Variants in INSYN1 observed in about 807,000 individuals in gnomAD.
INSYN1 encodes the protein UPF0583 protein C15orf59.
Under a neutral mutation model 17.1 loss-of-function variants are expected in INSYN1, and 7 were observed. The ratio of observed to expected loss-of-function variants is 0.41; its 90% CI spans 0.23 to 0.77. The LOEUF (loss-of-function observed/expected upper bound fraction) is 0.77, where lower values mean the gene tolerates loss of function less well. Ranked by LOEUF, INSYN1 falls within the 30% of genes least tolerant of loss-of-function variation. The probability of loss-of-function intolerance (pLI) is 0.32; values close to 1 mark genes in which losing one functional copy is unlikely to be tolerated. For synonymous variants in INSYN1, 174 were observed against 166.3 expected (o/e 1.05, Z -0.36); for missense variants, 339 against 400.6 (o/e 0.85, Z 1.31).
Position 73,739,895 on chromosome 15 carries a change from C to A in INSYN1, c.*22G>T, listed in dbSNP as rs1428403904. On this transcript the variant is annotated 3_prime_UTR_variant, in exon 3 of 3. Transcript: ENST00000569673. ...TATTTATAGCTCTATGTGCCCACCG[C>A]CCCCGGCCCCCTCCCCGGCCCCTAG... is the stretch of plus-strand genomic sequence containing the variant. 1 of 1,069,366 alleles carries A rather than the reference C, an allele frequency of 9.4e-7. No individual in the cohort carries two copies. Among genetic ancestry groups the A allele is most frequent in the East Asian group, 2.5e-5 (1 of 40,218 alleles). The allele number at this position is 1,069,366 out of a possible 1,614,324, so 66.2% of individuals were successfully genotyped here.
chr15:73,751,875 G>A (rs1332216417), intron 1 of INSYN1, among the ~76,000 whole-genome samples, 178 bp from the exon 2 acceptor site: 2 of 152,076 alleles, frequency 1.3e-5, no homozygotes, highest in African/African-American at 4.8e-5. Context: ...AGAGGGAAAG[G>A]GAGGGAGCCC....
At chr15:73,746,370 A>G (rs1901832291) in intron 2 of INSYN1, among the ~76,000 whole-genome samples, 1 of 152,074 alleles carries the variant, frequency 6.6e-6, no homozygotes, top group Non-Finnish European at 1.5e-5. Context: ...AATCCACGCA[A>G]TTCTTGCTGA....
At chr15:73,742,574 A>C (rs1378612323) in intron 2 of INSYN1, among the ~76,000 whole-genome samples, 1 of 152,118 alleles carries the variant, frequency 6.6e-6, no homozygotes, top group Non-Finnish European at 1.5e-5. Flanking sequence ...TGGAAAGCTG[A>C]GAATCTCCCC....
At position 73,738,863 on chromosome 15, in the gene INSYN1, TCC is replaced by T. The variant is rs1036468162; in HGVS notation, c.*1052_*1053del. 1.3e-5 allele frequency: 2 copies of T among 152,240 alleles called. No individual in the cohort carries two copies. The highest frequency in any genetic ancestry group is 2.9e-5 in the Non-Finnish European group (2 of 68,052). 9.4% of individuals were successfully genotyped at this position (152,240 alleles called of 1,614,324 possible). ...GTGAGCAATATAATTGTCATTATTA[TCC>T]CAAGGATATTCAGCTGCTGTCCCTG... On this transcript the variant is annotated 3_prime_UTR_variant, in exon 3 of 3. Transcript: ENST00000569673.
At chr15:73,744,082 G>C (rs1458922784) in intron 2 of INSYN1, among the ~76,000 whole-genome samples, 1 of 152,010 alleles carries the variant, frequency 6.6e-6, no homozygotes, top group African/African-American at 2.4e-5. Context: ...AGGATTTAAT[G>C]GCTTAATGCG....
Position 73,739,906 on chromosome 15 carries a change from CTCCCCGGCCCCT to C in INSYN1, c.881_*10del, listed in dbSNP as rs763968080. ...CTATGTGCCCACCGCCCCCGGCCCC[CTCCCCGGCCCCT>C]AGTTTTTCCCCCTGGCTTTCTGTCT... is the stretch of plus-strand genomic sequence containing the variant. On this transcript the variant is annotated stop_lost and 3_prime_UTR_variant, in exon 3 of 3. Coordinates refer to ENST00000569673, the MANE Select transcript of INSYN1 (RefSeq NM_001039614.3). 3.6e-6 allele frequency: 5 copies of C among 1,407,116 alleles called. No individual in the cohort carries two copies. The African/African-American group carries it at 5.7e-5, about 16-fold the overall frequency. The allele number at this position is 1,407,116 out of a possible 1,614,324, so 87.2% of individuals were successfully genotyped here. A position where few individuals can be genotyped will look rare whatever the true frequency, so the allele number is the denominator to read the frequency against.
intron 2 of INSYN1, 119 bp downstream of exon 2, chr15:73,750,856 T>G: frequency 1.8e-6 from 2 of 1,101,122 alleles, no homozygotes; most frequent in East Asian, 2.4e-5. Flanking sequence ...AGGTCCCCAG[T>G]AGAGTGACAC....
At chr15:73,740,855 G>A (rs942224777) in intron 2 of INSYN1, among the ~76,000 whole-genome samples, 7 of 152,174 alleles carry the variant, frequency 4.6e-5, no homozygotes, top group African/African-American at 1.4e-4. Flanking sequence ...AGCTTGTTCC[G>A]GCCCTTCCCA....
At chr15:73,750,333 G>C (rs1490721405) in intron 2 of INSYN1, among the ~76,000 whole-genome samples, 1 of 152,172 alleles carries the variant, frequency 6.6e-6, no homozygotes, top group Non-Finnish European at 1.5e-5. Context: ...AAAATATTTA[G>C]AACAGTGGGA....
rs967015083 is a variant in INSYN1 at position 73,739,235 on chromosome 15, C to G, written c.*682G>C. 2 of 152,316 alleles carry G rather than the reference C, an allele frequency of 1.3e-5. No individual in the cohort carries two copies. Among genetic ancestry groups the G allele is most frequent in the African/African-American group, 4.8e-5 (2 of 41,468 alleles). 9.4% of individuals were successfully genotyped at this position (152,316 alleles called of 1,614,324 possible). A position where few individuals can be genotyped will look rare whatever the true frequency, so the allele number is the denominator to read the frequency against. On this transcript the variant is annotated 3_prime_UTR_variant, in exon 3 of 3. Coordinates refer to ENST00000569673, the MANE Select transcript of INSYN1 (RefSeq NM_001039614.3). ...AAGGATTGGGGGTGGTCCAGACCCTCCAATCAAACCCCTGCCCAGCCCAGG... is the reference window on the plus strand; with the variant it reads ...AAGGATTGGGGGTGGTCCAGACCCTGCAATCAAACCCCTGCCCAGCCCAGG...
At position 73,736,025 on chromosome 15, in the gene INSYN1, G is replaced by A. The variant is rs954551043; in HGVS notation, c.*3892C>T. On this transcript the variant is annotated 3_prime_UTR_variant, in exon 3 of 3. Transcript: ENST00000569673. The stretch of plus-strand genomic sequence containing the variant: ...CAGCACAAGCCTGTGCACACAGTAG[G>A]TGGTCAGTGGAATAGGACTTCCCGG... The A allele has an allele frequency of 1.3e-5, 2 of 152,274 alleles. No homozygotes were observed. The highest frequency in any genetic ancestry group is 2.4e-5 in the African/African-American group (1 of 41,462). 9.4% of individuals were successfully genotyped at this position (152,274 alleles called of 1,614,324 possible). A position where few individuals can be genotyped will look rare whatever the true frequency, so the allele number is the denominator to read the frequency against.
intron 2 of INSYN1, among the ~76,000 whole-genome samples, chr15:73,744,134 C>T (rs920096976): frequency 1.3e-5 from 2 of 152,182 alleles, no homozygotes; most frequent in Non-Finnish European, 2.9e-5. Context: ...CCAACATCTA[C>T]AATGCACCGT....
Position 73,751,545 on chromosome 15 carries a change from T to G in INSYN1, c.-415A>C, listed in dbSNP as rs1041891023. ...TTGGGATGGGGGAAGGCAGCAGGGATCCCCTCACAACTCCTAGGCAGTTGC... is the reference window on the plus strand; with the variant it reads ...TTGGGATGGGGGAAGGCAGCAGGGAGCCCCTCACAACTCCTAGGCAGTTGC... On this transcript the variant is annotated 5_prime_UTR_variant, in exon 2 of 3. Transcript: ENST00000569673. 2.4e-5 allele frequency: 5 copies of G among 211,602 alleles called. No individual in the cohort carries two copies. Among genetic ancestry groups the G allele is most frequent in the African/African-American group, 8.9e-5 (4 of 44,848 alleles). 13.1% of individuals were successfully genotyped at this position (211,602 alleles called of 1,614,324 possible). A position where few individuals can be genotyped will look rare whatever the true frequency, so the allele number is the denominator to read the frequency against.
At position 73,736,909 on chromosome 15, in the gene INSYN1, C is replaced by CA; in HGVS notation, c.*3007dup. On this transcript the variant is annotated 3_prime_UTR_variant, in exon 3 of 3. Coordinates refer to ENST00000569673, the MANE Select transcript of INSYN1 (RefSeq NM_001039614.3). ...AGACTCCATCTAAAAAAAAACAAAA[C>CA]AAAACAAAAACAAGAAAAAGGAAGC... The CA allele has an allele frequency of 6.6e-6, 1 of 152,630 alleles. No individual in the cohort carries two copies. 9.5% of individuals were successfully genotyped at this position (152,630 alleles called of 1,614,324 possible).
Position 73,738,780 on chromosome 15 carries a change from A to G in INSYN1, c.*1137T>C, listed in dbSNP as rs1901597837. 1 of 152,264 alleles carries G rather than the reference A, an allele frequency of 6.6e-6. No homozygotes were observed. Among genetic ancestry groups the G allele is most frequent in the African/African-American group, 2.4e-5 (1 of 41,466 alleles). The allele number at this position is 152,264 out of a possible 1,614,324, so 9.4% of individuals were successfully genotyped here. A position where few individuals can be genotyped will look rare whatever the true frequency, so the allele number is the denominator to read the frequency against. On this transcript the variant is annotated 3_prime_UTR_variant, in exon 3 of 3. Transcript: ENST00000569673. ...ATCAGGTTATTGTGGTGATTAAATG[A>G]GATGCTGCTATAAAAAGTATTCGGC...
In INSYN1 at chr15:73,740,607, G is replaced by A. The variant is rs771548180; in HGVS notation, c.192C>T (p.Phe64=). 13 of 1,613,116 alleles carry A rather than the reference G, an allele frequency of 8.1e-6. No homozygotes were observed. Among genetic ancestry groups the A allele is most frequent in the Admixed American group, 1.7e-5 (1 of 59,936 alleles). Residue 64 remains phenylalanine (F), a synonymous_variant, in exon 3 of 3, where the codon TTC becomes TTT. Coordinates refer to ENST00000569673, the MANE Select transcript of INSYN1 (RefSeq NM_001039614.3). ...VSQIDKLTSD[F]DFELEPDDWT... ...AGTCGTCCGGCTCCAGTTCAAAGTC[G>A]AAGTCCGAGGTTAGCTTATCGATCT... is the stretch of plus-strand genomic sequence containing the variant.
In INSYN1 at chr15:73,743,723, G is replaced by A. The variant is rs1361220934; in HGVS notation, c.157-3081C>T. Among the ~76,000 whole-genome samples, 5 of 150,286 alleles carry A rather than the reference G, an allele frequency of 3.3e-5. 1 individual carries two copies. The highest frequency in any genetic ancestry group is 6.4e-3 in the Middle Eastern group (2 of 314). Reference sequence around the variant, plus strand: ...TGCGTGCATAGAGTCCCAGCTACTCGGGAGGCTGAGGCAGAGGAATCTCTT... The same window carrying A: ...TGCGTGCATAGAGTCCCAGCTACTCAGGAGGCTGAGGCAGAGGAATCTCTT... On this transcript the variant is annotated intron_variant, in intron 2 of 2. Coordinates refer to ENST00000569673, the MANE Select transcript of INSYN1 (RefSeq NM_001039614.3).
chr15:73,749,391 G>A (rs1371805499), intron 2 of INSYN1, among the ~76,000 whole-genome samples: 3 of 152,284 alleles, frequency 2.0e-5, no homozygotes, highest in East Asian at 1.9e-4. Context: ...GGGTGGCTAT[G>A]CGGTGGGGAG....
chr15:73,747,649 A>G (rs148973022), intron 2 of INSYN1, among the ~76,000 whole-genome samples: 30 of 152,342 alleles, frequency 2.0e-4, no homozygotes, highest in Non-Finnish European at 3.2e-4. Flanking sequence ...AACTTTCGCA[A>G]GTTCACACAG....
Sources: gnomAD v4.1 joint callset for allele counts (sites outside exome capture counted in the v4.1 genomes callset) on GRCh38, gnomAD v4.1.1 for gene constraint, MANE v1.5 for transcripts, NCBI Gene and HGNC (gene_info 2026-07-23, HGNC 2026-07-21) for gene names.